Variants in ABCG2 observed in about 807,000 individuals in gnomAD.
The protein encoded by ABCG2 is broad substrate specificity ATP-binding cassette transporter ABCG2.
Under a neutral mutation model 73.5 loss-of-function variants are expected in ABCG2, and 80 were observed. The observed-to-expected ratio is 1.09, with a 90% CI of 0.91 to 1.31. The LOEUF (loss-of-function observed/expected upper bound fraction) is 1.31. Ranked by LOEUF, ABCG2 falls within the 50% of genes most tolerant of loss-of-function variation. The pLI is 0.00. For synonymous variants in ABCG2, 269 were observed against 282.4 expected (o/e 0.95, Z 0.48); for missense variants, 796 against 786.2 (o/e 1.01, Z -0.15).
intron 1 of ABCG2, among the ~76,000 whole-genome samples, chr4:88,217,924 C>A (rs768658705): frequency 1.3e-5 from 2 of 150,146 alleles, no homozygotes; most frequent in African/African-American, 2.5e-5. Context: ...TATGATCATG[C>A]CACTGCACTC....
At position 88,230,754 on chromosome 4, in the gene ABCG2, C is replaced by T. The variant is rs117376777; in HGVS notation, c.-20+240G>A. On this transcript the variant is annotated intron_variant, in intron 1 of 15. Coordinates refer to the ABCG2 transcript ENST00000515655. The stretch of plus-strand genomic sequence containing the variant: ...GCAAAAAACTGACAGAGTTTGAGCC[C>T]TTTTTACTCAAAGTGTGGTCCATAG... Among the ~76,000 whole-genome samples the T allele has an allele frequency of 9.9e-5, 15 of 152,208 alleles. No homozygotes were observed. In the East Asian group the frequency reaches 2.9e-3, roughly 29 times the overall value.
chr4:88,178,984 G>A (rs991285426), intron 1 of ABCG2, among the ~76,000 whole-genome samples: 2 of 152,174 alleles, frequency 1.3e-5, no homozygotes, highest in African/African-American at 4.8e-5. Flanking sequence ...GCCCTGAAGG[G>A]AAGGACACAA....
At chr4:88,211,364 C>CCCG (rs1553900247) in intron 1 of ABCG2, among the ~76,000 whole-genome samples, 1 of 49,746 alleles carries the variant, frequency 2.0e-5, no homozygotes, top group Non-Finnish European at 4.0e-5. Flanking sequence ...CCCTGCCCCA[C>CCCG]CCCCCCCCAC....
At chr4:88,122,439 A>T (rs1327234155) in intron 5 of ABCG2, among the ~76,000 whole-genome samples, 1 of 152,236 alleles carries the variant, frequency 6.6e-6, no homozygotes, top group Non-Finnish European at 1.5e-5. Context: ...TCTTACTGCC[A>T]GCACAGCAGT....
intron 1 of ABCG2, among the ~76,000 whole-genome samples, chr4:88,222,599 A>G (rs547570822): frequency 5.6e-4 from 85 of 152,342 alleles, no homozygotes; most frequent in Non-Finnish European, 9.3e-4. Flanking sequence ...TGAGTTTGCC[A>G]TTGAACCTCT....
At chr4:88,209,326 A>C (rs10470934) in intron 1 of ABCG2, among the ~76,000 whole-genome samples, 107 of 131,676 alleles carry the variant, frequency 8.1e-4, no homozygotes, top group African/African-American at 3.0e-3. Flanking sequence ...AAAAAAAAAA[A>C]CAAAAAAGCA....
At chr4:88,125,774 C>T (rs771573840) in intron 5 of ABCG2, among the ~76,000 whole-genome samples, 3 of 151,974 alleles carry the variant, frequency 2.0e-5, no homozygotes, top group Non-Finnish European at 4.4e-5. Flanking sequence ...TGGGACATAA[C>T]TAAAGCAGTG....
At position 88,180,168 on chromosome 4, in the gene ABCG2, A is replaced by C. The variant is rs542405288; in HGVS notation, c.-19-40154T>G. Among the ~76,000 whole-genome samples, 71 of 152,306 alleles carry C rather than the reference A, an allele frequency of 4.7e-4. No homozygotes were observed. In the South Asian group the frequency reaches 0.012, roughly 25 times the overall value. On this transcript the variant is annotated intron_variant, in intron 1 of 15. Transcript: ENST00000515655. ...ACTTCCAAAGATAAAGGATCCTAAA[A>C]GCAGCAAGAGAAAGGAAATAAGTAA...
In ABCG2 at chr4:88,113,498, C is replaced by G. The variant is rs34881799; in HGVS notation, c.999G>C (p.Ala333=). The G allele has an allele frequency of 1.9e-6, 3 of 1,613,994 alleles. No individual in the cohort carries two copies. The highest frequency in any genetic ancestry group is 1.7e-6 in the Non-Finnish European group (2 of 1,180,008). ...KQDKPLIEKL[A]EIYVNSSFYK... is the part of the protein sequence containing the mutation. ...AGAAGGAGGAGTTGACATAAATCTC[C>G]GCTAATTTTTCTATGAGTGGCTTAT... Residue 333 remains alanine, a synonymous_variant, in exon 9 of 16, where the codon GCG becomes GCC. Coordinates refer to ENST00000237612, the MANE Select transcript of ABCG2 (RefSeq NM_004827.3).
chr4:88,200,621 C>T (rs1578273630), intron 1 of ABCG2, among the ~76,000 whole-genome samples: 3 of 152,224 alleles, frequency 2.0e-5, no homozygotes, highest in South Asian at 2.1e-4. Flanking sequence ...CATGCCATTC[C>T]TATGCCTCAG....
chr4:88,110,021 T>G (rs1393787344), intron 9 of ABCG2, among the ~76,000 whole-genome samples: 1 of 152,078 alleles, frequency 6.6e-6, no homozygotes, highest in Non-Finnish European at 1.5e-5. Context: ...GTAATCATAG[T>G]TCACTGCAGC....
intron 1 of ABCG2, among the ~76,000 whole-genome samples, chr4:88,144,296 T>C (rs910477091): frequency 1.3e-5 from 2 of 152,188 alleles, no homozygotes; most frequent in African/African-American, 4.8e-5. Context: ...TTATGTATCT[T>C]AGCCAACTCA....
intron 1 of ABCG2, among the ~76,000 whole-genome samples, chr4:88,149,715 G>A (rs570720939): frequency 6.6e-6 from 1 of 152,278 alleles, no homozygotes; most frequent in East Asian, 1.9e-4. Context: ...GTTGGGCATG[G>A]TAGCGCATGC....
chr4:88,221,234 A>C (rs1403724756), intron 1 of ABCG2, among the ~76,000 whole-genome samples: 10 of 119,886 alleles, frequency 8.3e-5, no homozygotes, highest in African/African-American at 1.6e-4. Flanking sequence ...ATGCCACTGC[A>C]CTCCGGCCTA....
At chr4:88,145,201 AT>A (rs1725903235) in intron 1 of ABCG2, among the ~76,000 whole-genome samples, 1 of 152,250 alleles carries the variant, frequency 6.6e-6, no homozygotes, top group Non-Finnish European at 1.5e-5. Context: ...ACTGAGGTTA[AT>A]CTCAAAAGAT....
At position 88,132,569 on chromosome 4, in the gene ABCG2, T is replaced by C. The variant is rs550828327; in HGVS notation, c.263+7A>G. The C allele has an allele frequency of 1.1e-4, 185 of 1,614,120 alleles. 3 individuals carry two copies. In the South Asian group the frequency reaches 1.9e-3, roughly 17 times the overall value. On this transcript the variant is annotated splice_region_variant and intron_variant, in intron 3 of 15. Coordinates refer to ENST00000237612, the MANE Select transcript of ABCG2 (RefSeq NM_004827.3). ...GAAAACGCTTACTTATACTCTCTTA[T>C]ACTCACGAAGATTTGCCTCCACCTG...
intron 5 of ABCG2, 151 bp downstream of exon 5, chr4:88,130,910 A>G: frequency 1.1e-6 from 1 of 878,942 alleles, no homozygotes; most frequent in Non-Finnish European, 1.7e-6. Flanking sequence ...CCACGTTCAT[A>G]TTATGTAACA....
chr4:88,119,786 A>G (rs2110018735), intron 6 of ABCG2, among the ~76,000 whole-genome samples: 1 of 152,260 alleles, frequency 6.6e-6, no homozygotes, highest in South Asian at 2.1e-4. Context: ...ATTCACAAAG[A>G]TATGGTTTGA....
chr4:88,122,272 T>C (rs1184577355), intron 5 of ABCG2, among the ~76,000 whole-genome samples: 1 of 152,064 alleles, frequency 6.6e-6, no homozygotes, highest in Admixed American at 6.6e-5. Context: ...TGCAGGAGTT[T>C]TTTTTTCATA....
Sources: allele counts gnomAD v4.1 joint callset (sites outside exome capture counted in the v4.1 genomes callset), GRCh38; gene constraint gnomAD v4.1.1; transcripts MANE v1.5; gene names NCBI Gene and HGNC (gene_info 2026-07-23, HGNC 2026-07-21).